ANKS1A: variants seen among roughly 807,000 people sequenced by gnomAD.
The protein encoded by ANKS1A is ankyrin repeat and SAM domain-containing protein 1A.
ANKS1A carries 55 observed loss-of-function variants against 120.3 expected under a neutral mutation model. The ratio of observed to expected loss-of-function variants is 0.46; its 90% confidence interval spans 0.37 to 0.57. The LOEUF is 0.57. Ranked by LOEUF, ANKS1A falls within the 20% of genes least tolerant of loss-of-function variation. The pLI, the probability that ANKS1A is intolerant of heterozygous loss-of-function variation, is 0.00. For missense variants in ANKS1A, 1,123 were observed against 1,480.3 expected (o/e 0.76, Z 3.96); for synonymous variants, 590 against 604.7 (o/e 0.98, Z 0.36).
chr6:35,052,882 C>T (rs749502103), intron 11 of ANKS1A, among the ~76,000 whole-genome samples: 19 of 152,158 alleles, frequency 1.2e-4, no homozygotes, highest in Non-Finnish European at 2.5e-4. Flanking sequence ...GGGTCAGATT[C>T]GTTTCCCTCT....
At chr6:34,991,519 T>G (rs1177241728) in intron 9 of ANKS1A, among the ~76,000 whole-genome samples, 2 of 142,354 alleles carry the variant, frequency 1.4e-5, no homozygotes, top group African/African-American at 2.7e-5. Context: ...GCTTTCCACA[T>G]AGCCGGGAAA....
chr6:34,889,792 G>T lies in ANKS1A; in HGVS notation c.197+193G>T, dbSNP rs996785492. Among the ~76,000 whole-genome samples, 12 of 152,064 alleles carry T rather than the reference G, an allele frequency of 7.9e-5. No homozygotes were observed. The highest frequency in any genetic ancestry group is 7.9e-4 in the Admixed American group (12 of 15,274). On this transcript the variant is annotated intron_variant, in intron 1 of 23. Transcript: ENST00000360359. This position sits in a 1 kb window ranked among gnomAD's most constrained non-coding sequence, Gnocchi z 5.5. ...TCCGAGTCCACGCTGCTCCGGGCTCGCCTGGTCTCCCGTTCTGACCCGGCT... is the reference window on the plus strand; with the variant it reads ...TCCGAGTCCACGCTGCTCCGGGCTCTCCTGGTCTCCCGTTCTGACCCGGCT...
intron 1 of ANKS1A, among the ~76,000 whole-genome samples, chr6:34,893,935 AT>A (rs1278398862): frequency 3.9e-5 from 6 of 152,226 alleles, no homozygotes; most frequent in Admixed American, 1.3e-4. Context: ...AAGAAAAAAA[AT>A]ATAGTTTTCT....
At position 35,050,916 on chromosome 6, in the gene ANKS1A, C is replaced by G. The variant is rs894403931; in HGVS notation, c.2011-3183C>G. On this transcript the variant is annotated intron_variant, in intron 11 of 23. Coordinates refer to ENST00000360359, the MANE Select transcript of ANKS1A (RefSeq NM_015245.3). This position sits in a 1 kb window ranked among gnomAD's most constrained non-coding sequence, Gnocchi z 4.3. ...CCCTGAGTTTTTCTGGAACTAGAACCAGCTCAGCTTGACTTAGCCATGGCA... is the reference window on the plus strand; with the variant it reads ...CCCTGAGTTTTTCTGGAACTAGAACGAGCTCAGCTTGACTTAGCCATGGCA... Among the ~76,000 whole-genome samples, 4 of 152,118 alleles carry G rather than the reference C, an allele frequency of 2.6e-5. No individual in the cohort carries two copies. The highest frequency in any genetic ancestry group is 9.7e-5 in the African/African-American group (4 of 41,434).
At position 34,970,014 on chromosome 6, in the gene ANKS1A, G is replaced by A. The variant is rs1254245696; in HGVS notation, c.283G>A (p.Val95Met). 1 of 1,613,210 alleles carries A rather than the reference G, an allele frequency of 6.2e-7. No individual in the cohort carries two copies. Among genetic ancestry groups the A allele is most frequent in the Non-Finnish European group, 8.5e-7 (1 of 1,179,652 alleles). ...TGATTGATTTTTGCCTTCTAGGGAT[G>A]TGGTCGAGGTTCTTCTGAGGAACGA... is the stretch of plus-strand genomic sequence containing the variant. ...HHAALNGHKDVVEVLLRNDAL... is the reference protein window; with the variant it reads ...HHAALNGHKDMVEVLLRNDAL... Residue 95 changes from valine (V) to methionine (M), a missense_variant, in exon 3 of 24, where the codon GTG becomes ATG. This residue lies in a region of ANKS1A where 146 missense variants were observed against 267.8 expected (regional missense o/e 0.55). Coordinates refer to ENST00000360359, the MANE Select transcript of ANKS1A (RefSeq NM_015245.3).
At position 34,927,623 on chromosome 6, in the gene ANKS1A, C is replaced by T. The variant is rs552466636; in HGVS notation, c.197+38024C>T. ...GCCAGGAAGCCGTTCTGATAGTTCA[C>T]CTCATTGGAGCTGGACTAAGTGACA... is the stretch of plus-strand genomic sequence containing the variant. On this transcript the variant is annotated intron_variant, in intron 1 of 23. Coordinates refer to ENST00000360359, the MANE Select transcript of ANKS1A (RefSeq NM_015245.3). 7.9e-5 allele frequency among the ~76,000 whole-genome samples: 12 copies of T among 152,236 alleles called. No homozygotes were observed. In the South Asian group the frequency reaches 2.5e-3, roughly 32 times the overall value.
chr6:35,031,828 T>TA (rs1243468502), intron 11 of ANKS1A, among the ~76,000 whole-genome samples: 2 of 152,384 alleles, frequency 1.3e-5, no homozygotes, highest in African/African-American at 4.8e-5. Context: ...GCCCAGCCTC[T>TA]ATAACTGGCC....
intron 3 of ANKS1A, among the ~76,000 whole-genome samples, chr6:34,979,651 G>T (rs1004161979): frequency 2.0e-5 from 3 of 151,878 alleles, no homozygotes; most frequent in African/African-American, 4.8e-5. Context: ...AGCCCTAATG[G>T]CATACTTTTT....
rs574327415 is a variant in ANKS1A at position 34,934,348 on chromosome 6, C to T, written c.198-32891C>T. ...TATTTTTAGTAGAGATGGGGTTTCA[C>T]TGTGTTAGCCAGGACGGTCTCTATC... On this transcript the variant is annotated intron_variant, in intron 1 of 23. Transcript: ENST00000360359. 5.6e-4 allele frequency among the ~76,000 whole-genome samples: 85 copies of T among 152,266 alleles called. 1 individual carries two copies. The highest frequency in any genetic ancestry group is 3.4e-3 in the Middle Eastern group (1 of 294).
chr6:34,903,022 T>A (rs996659266), intron 1 of ANKS1A, among the ~76,000 whole-genome samples: 2 of 152,170 alleles, frequency 1.3e-5, no homozygotes, highest in African/African-American at 4.8e-5. Context: ...CTGATTCTTT[T>A]GGGTGAAATT....
intron 20 of ANKS1A, 106 bp downstream of exon 20, chr6:35,083,609 C>T: frequency 9.6e-7 from 1 of 1,043,550 alleles, no homozygotes; most frequent in East Asian, 2.4e-5. Context: ...TCTCTTATCT[C>T]CCTAGAGGGT....
chr6:34,995,901 A>T (rs10947534), intron 10 of ANKS1A, among the ~76,000 whole-genome samples: 128,605 of 152,172 alleles, frequency 0.85, 55,515 homozygotes, highest in Non-Finnish European at 0.95. Context: ...AAGTTTTCAT[A>T]TCACTTAGAT....
At chr6:35,035,259 G>A (rs1057038508) in intron 11 of ANKS1A, among the ~76,000 whole-genome samples, 1 of 152,228 alleles carries the variant, frequency 6.6e-6, no homozygotes, top group Non-Finnish European at 1.5e-5. Context: ...CTTGAAGGAA[G>A]TTGAGTGGCT....
chr6:35,096,537 C>T, the ANKS1A span, among the ~76,000 whole-genome samples: 2 of 152,154 alleles, frequency 1.3e-5, no homozygotes, highest in East Asian at 1.9e-4. Context: ...TTTGGTTATG[C>T]GTGTCTGTAA....
chr6:35,095,309 A>G (rs543694750), downstream of ANKS1A, among the ~76,000 whole-genome samples: 1 of 152,198 alleles, frequency 6.6e-6, no homozygotes, highest in Admixed American at 6.5e-5. Context: ...ATGGTGACTC[A>G]TGCCTATAAT....
At chr6:34,974,765 A>AAT (rs766532023) in intron 3 of ANKS1A, among the ~76,000 whole-genome samples, 46 of 152,180 alleles carry the variant, frequency 3.0e-4, no homozygotes, top group Non-Finnish European at 5.1e-4. Context: ...TAAATAAGAT[A>AAT]ATATATATAA....
At chr6:34,977,106 C>T (rs1210915619) in intron 3 of ANKS1A, among the ~76,000 whole-genome samples, 2 of 152,142 alleles carry the variant, frequency 1.3e-5, no homozygotes. Flanking sequence ...TAATATGGAA[C>T]AGTTCCTCAG....
In ANKS1A at chr6:35,091,170, T is replaced by C. The variant is rs946523795; in HGVS notation, c.*2561T>C. 1.0e-6 allele frequency: 1 copy of C among 985,816 alleles called. No individual in the cohort carries two copies. The highest frequency in any genetic ancestry group is 1.7e-5 in the African/African-American group (1 of 57,262). The allele number at this position is 985,816 out of a possible 1,614,324, so 61.1% of individuals were successfully genotyped here. On this transcript the variant is annotated 3_prime_UTR_variant, in exon 24 of 24. Transcript: ENST00000360359. ...AATCTTTGTCTCTGTATTTTGATACTTGAATGACTTTCCCTTTTGTTTTAC... is the reference window on the plus strand; with the variant it reads ...AATCTTTGTCTCTGTATTTTGATACCTGAATGACTTTCCCTTTTGTTTTAC...
At chr6:35,055,267 C>T (rs1395137526) in intron 12 of ANKS1A, among the ~76,000 whole-genome samples, 1 of 152,174 alleles carries the variant, frequency 6.6e-6, no homozygotes, top group Non-Finnish European at 1.5e-5. Context: ...CACCCCATAT[C>T]TGCAACCTTT....
Sources: gnomAD v4.1 joint callset for allele counts (sites outside exome capture counted in the v4.1 genomes callset) on GRCh38, gnomAD v4.1.1 for gene constraint, gnomAD v4.1.1 regional missense constraint, Gnocchi (gnomAD v3.1) non-coding constraint, MANE v1.5 for transcripts, NCBI Gene and HGNC (gene_info 2026-07-23, HGNC 2026-07-21) for gene names.